The following RYR3 variants were observed in gnomAD, a reference collection of about 807,000 sequenced individuals.
RYR3 encodes the protein ryanodine receptor 3, also known as brain ryanodine receptor-calcium release channel.
Under a neutral mutation model 584.3 loss-of-function variants are expected in RYR3, and 207 were observed. The observed-to-expected ratio is 0.35, with a 90% CI of 0.32 to 0.40. The LOEUF (loss-of-function observed/expected upper bound fraction) is 0.40, where lower values mean the gene tolerates loss of function less well. Ranked by LOEUF, RYR3 falls within the 10% of genes least tolerant of loss-of-function variation. The probability of loss-of-function intolerance (pLI) is 1.00; values close to 1 mark genes in which losing one functional copy is unlikely to be tolerated. For synonymous variants in RYR3, 2,416 were observed against 2,248.5 expected (o/e 1.07, Z -2.11); for missense variants, 5,616 against 6,089.2 (o/e 0.92, Z 2.59).
rs55660627 is a variant in RYR3, at chr15:33,336,538, G to GA, written c.51+25443dup. Among the ~76,000 whole-genome samples the GA allele has an allele frequency of 2.8e-3, 166 of 59,916 alleles. 9 individuals carry two copies. The highest frequency in any genetic ancestry group is 8.9e-3 in the Middle Eastern group (1 of 112). 39.3% of individuals were successfully genotyped at this position (59,916 alleles called of 152,430 possible). ...GGAGGGAAGGAGGGAAGGAGGGAAG[G>GA]AGGGAAGGAGGGAAGGAAGGAAGAA... On this transcript the variant is annotated intron_variant, in intron 1 of 103. Coordinates refer to ENST00000634891, the MANE Select transcript of RYR3 (RefSeq NM_001036.6).
At chr15:33,681,752 G>A (rs987657892) in intron 38 of RYR3, among the ~76,000 whole-genome samples, 5 of 152,130 alleles carry the variant, frequency 3.3e-5, no homozygotes, top group Non-Finnish European at 7.4e-5. Context: ...TGCTTTCTAA[G>A]TGTAACCTAA....
At chr15:33,817,085 G>C in intron 75 of RYR3, 127 bp downstream of exon 75, 3 of 585,818 alleles carry the variant, frequency 5.1e-6, no homozygotes, top group Non-Finnish European at 9.2e-6. Context: ...AGCACTAACT[G>C]TGTAAGTGCT....
chr15:33,724,055 G>A lies in RYR3; in HGVS notation c.6801-10G>A, dbSNP rs764201505. On this transcript the variant is annotated splice_polypyrimidine_tract_variant and intron_variant, in intron 44 of 103. Coordinates refer to ENST00000634891, the MANE Select transcript of RYR3 (RefSeq NM_001036.6). ...CCTTCCTCACACCTCCCCTCTGTTG[G>A]TTCTCTCAGCAGCACGGGGGACGAT... The A allele has an allele frequency of 1.7e-5, 26 of 1,539,102 alleles. No individual in the cohort carries two copies. Among genetic ancestry groups the A allele is most frequent in the Non-Finnish European group, 2.2e-5 (24 of 1,112,804 alleles).
At chr15:33,668,837 A>G (rs1377478119) in intron 36 of RYR3, among the ~76,000 whole-genome samples, 1 of 152,216 alleles carries the variant, frequency 6.6e-6, no homozygotes, top group Admixed American at 6.5e-5. Flanking sequence ...AAAAAAAATT[A>G]TTTTAAAGGA....
chr15:33,365,750 T>TAA (rs1975406178), intron 1 of RYR3, among the ~76,000 whole-genome samples: 1 of 152,202 alleles, frequency 6.6e-6, no homozygotes, highest in Admixed American at 6.5e-5. Flanking sequence ...GAGGAAACTT[T>TAA]GGGAGATGAT....
chr15:33,824,081 C>T (rs1263203960), intron 81 of RYR3, among the ~76,000 whole-genome samples: 2 of 152,106 alleles, frequency 1.3e-5, no homozygotes, highest in African/African-American at 4.8e-5. Flanking sequence ...GGAATATTTC[C>T]AGGCCTGCCT....
At chr15:33,531,350 A>G (rs1213397538) in intron 4 of RYR3, among the ~76,000 whole-genome samples, 2 of 152,016 alleles carry the variant, frequency 1.3e-5, no homozygotes, top group Admixed American at 1.3e-4. Flanking sequence ...TAATTTTACA[A>G]TATTTTAAAA....
chr15:33,743,028 G>A (rs892198141), intron 52 of RYR3, among the ~76,000 whole-genome samples: 19 of 152,284 alleles, frequency 1.2e-4, no homozygotes, highest in African/African-American at 4.3e-4. Flanking sequence ...ACACTGGCAG[G>A]CAAAGTGGGA....
At chr15:33,764,542 G>A (rs1040364631) in intron 60 of RYR3, among the ~76,000 whole-genome samples, 12 of 150,912 alleles carry the variant, frequency 8.0e-5, no homozygotes, top group South Asian at 2.1e-4. Flanking sequence ...AGAACTGCAC[G>A]TTCTGCACAT....
At chr15:33,533,455 G>A in intron 5 of RYR3, 66 bp downstream of exon 5, 1 of 1,086,416 alleles carries the variant, frequency 9.2e-7, no homozygotes, top group Non-Finnish European at 1.4e-6. Context: ...TTTTGAGAAG[G>A]ACCCTGAATG....
rs7182536 is a variant in RYR3 at position 33,613,419 on chromosome 15, C to T, written c.2357+44C>T. ...TTCATGGAGAGTAGCAGTTACCCCA[C>T]CTCCCCGCCACCACTGTGAGCTGCG... is the stretch of plus-strand genomic sequence containing the variant. On this transcript the variant is annotated intron_variant, in intron 19 of 103. Transcript: ENST00000634891. The T allele has an allele frequency of 2.4e-3, 3,653 of 1,535,132 alleles. 82 individuals are homozygous for T. In the African/African-American group the frequency reaches 0.043, roughly 18 times the overall value.
At chr15:33,537,856 A>G (rs2055460339) in intron 5 of RYR3, among the ~76,000 whole-genome samples, 1 of 151,250 alleles carries the variant, frequency 6.6e-6, no homozygotes, top group Admixed American at 6.6e-5. Flanking sequence ...TTCTTTGTTA[A>G]TTTCCTCTCT....
chr15:33,794,887 T>A (rs2075500515), intron 67 of RYR3, among the ~76,000 whole-genome samples: 1 of 152,206 alleles, frequency 6.6e-6, no homozygotes, highest in African/African-American at 2.4e-5. Flanking sequence ...AAATACCCGT[T>A]CCTTTTTCCT....
chr15:33,819,913 A>G (rs2077023884), intron 77 of RYR3, 106 bp downstream of exon 77: 1 of 797,432 alleles, frequency 1.3e-6, no homozygotes, highest in Non-Finnish European at 2.0e-6. Flanking sequence ...GGACTTTGTC[A>G]TGACATAGGT....
chr15:33,447,901 C>G (rs2046805821), intron 1 of RYR3, among the ~76,000 whole-genome samples: 1 of 152,186 alleles, frequency 6.6e-6, no homozygotes, highest in Admixed American at 6.5e-5. Flanking sequence ...ACTCAAATCT[C>G]TTTTTGAGGC....
intron 1 of RYR3, among the ~76,000 whole-genome samples, chr15:33,419,629 G>A (rs1298298973): frequency 1.3e-5 from 2 of 152,170 alleles, no homozygotes; most frequent in Non-Finnish European, 2.9e-5. Context: ...ATTTGACAGT[G>A]TGAGCACATA....
chr15:33,539,642 A>G (rs529917992), intron 6 of RYR3, among the ~76,000 whole-genome samples, 180 bp downstream of exon 6: 2 of 152,306 alleles, frequency 1.3e-5, no homozygotes, highest in South Asian at 4.1e-4. Context: ...ATAAAAAATT[A>G]AAGTGTAACT....
chr15:33,848,164 C>G, intron 93 of RYR3, 127 bp from the exon 94 acceptor site: 1 of 1,179,260 alleles, frequency 8.5e-7, no homozygotes, highest in Non-Finnish European at 1.2e-6. Flanking sequence ...CAACTAGGCA[C>G]TCTAAGAATT....
In RYR3 at chr15:33,566,670, GT is replaced by G; in HGVS notation, c.1147-7del. ...ACCTAGAGCTCCCGTCCCTTGCCCT[GT>G]GGGTAGGTCATACTCCATCAGGAAG... On this transcript the variant is annotated splice_region_variant and splice_polypyrimidine_tract_variant and intron_variant, in intron 11 of 103. Transcript: ENST00000634891. 1 of 1,613,610 alleles carries G rather than the reference GT, an allele frequency of 6.2e-7. No homozygotes were observed. Among genetic ancestry groups the G allele is most frequent in the Non-Finnish European group, 8.5e-7 (1 of 1,179,596 alleles).
Sources: gnomAD v4.1 joint callset for allele counts (sites outside exome capture counted in the v4.1 genomes callset) on GRCh38, gnomAD v4.1.1 for gene constraint, MANE v1.5 for transcripts, NCBI Gene and HGNC (gene_info 2026-07-23, HGNC 2026-07-21) for gene names.